Variants in CNGB3 observed in about 807,000 individuals in gnomAD.
The protein encoded by CNGB3 is cyclic nucleotide gated channel subunit beta 3, also known as cyclic nucleotide-gated channel beta-3.
A neutral mutation model predicts 92.8 loss-of-function variants in CNGB3; 86 were observed. The observed-to-expected ratio is 0.93, with a 90% CI of 0.78 to 1.11. The LOEUF is 1.11. Ranked by LOEUF, CNGB3 falls within the 50% of genes least tolerant of loss-of-function variation. The pLI, the probability that CNGB3 is intolerant of heterozygous loss-of-function variation, is 0.00. For synonymous variants in CNGB3, 333 were observed against 332.7 expected (o/e 1.00, Z -0.01); for missense variants, 1,026 against 956.8 (o/e 1.07, Z -0.95).
At chr8:86,642,189 G>A (rs1823201803) in intron 10 of CNGB3, among the ~76,000 whole-genome samples, 1 of 151,398 alleles carries the variant, frequency 6.6e-6, no homozygotes, top group Non-Finnish European at 1.5e-5. Flanking sequence ...TCACTTTCTG[G>A]AAGGCATTCT....
chr8:86,699,296 A>C (rs898945673), intron 3 of CNGB3, among the ~76,000 whole-genome samples: 11 of 152,018 alleles, frequency 7.2e-5, no homozygotes, highest in African/African-American at 2.7e-4. Context: ...AATAATTTAG[A>C]TATAAATTAA....
At chr8:86,690,563 T>G (rs1368306128) in intron 3 of CNGB3, among the ~76,000 whole-genome samples, 1 of 152,256 alleles carries the variant, frequency 6.6e-6, no homozygotes, top group Non-Finnish European at 1.5e-5. Context: ...TTTAGTTTAC[T>G]TAGATCCCAT....
chr8:86,580,236 C>T (rs918208199), intron 15 of CNGB3, among the ~76,000 whole-genome samples: 1 of 152,098 alleles, frequency 6.6e-6, no homozygotes, highest in Non-Finnish European at 1.5e-5. Flanking sequence ...AGTCACCTCC[C>T]ATCAGGTCCT....
At chr8:86,611,363 C>G (rs1360886593) in intron 14 of CNGB3, among the ~76,000 whole-genome samples, 3 of 152,102 alleles carry the variant, frequency 2.0e-5, no homozygotes, top group Non-Finnish European at 2.9e-5. Context: ...GTTTCTCAGA[C>G]TACCCACACT....
chr8:86,610,578 T>A (rs1409474094), intron 14 of CNGB3, among the ~76,000 whole-genome samples: 1 of 152,174 alleles, frequency 6.6e-6, no homozygotes, highest in Non-Finnish European at 1.5e-5. Flanking sequence ...CAGCGTGTGC[T>A]TGCTTTGACC....
intron 10 of CNGB3, among the ~76,000 whole-genome samples, chr8:86,636,572 C>CAAAAAAAAAA (rs57907634): frequency 3.2e-4 from 13 of 40,098 alleles, no homozygotes; most frequent in Non-Finnish European, 4.6e-4. Flanking sequence ...GACCCTGTCT[C>CAAAAAAAAAA]AAAAAAAAAA....
intron 14 of CNGB3, among the ~76,000 whole-genome samples, chr8:86,607,999 G>C (rs1255866272): frequency 2.0e-5 from 3 of 152,144 alleles, no homozygotes; most frequent in African/African-American, 7.2e-5. Context: ...AATGTGACTT[G>C]TCATTCTAGC....
chr8:86,741,901 AG>A, intron 1 of CNGB3, among the ~76,000 whole-genome samples: 1 of 152,198 alleles, frequency 6.6e-6, no homozygotes, highest in South Asian at 2.1e-4. Context: ...AGTATCTTAA[AG>A]GGTTGACTCA....
chr8:86,694,340 C>T (rs1385655202), intron 3 of CNGB3, among the ~76,000 whole-genome samples: 1 of 145,124 alleles, frequency 6.9e-6, no homozygotes, highest in Admixed American at 6.8e-5. Context: ...GGGCGGCTGG[C>T]CGGGCGGGGG....
chr8:86,600,776 ATTTTTTTTTTTTTTTTTT>A (rs533111246), intron 15 of CNGB3, among the ~76,000 whole-genome samples: 8 of 38,404 alleles, frequency 2.1e-4, no homozygotes, highest in Admixed American at 4.8e-4. Context: ...CGCTCGGCTA[ATTTTTTTTTTTTTTTTTT>A]TTTTTTTTTT....
At chr8:86,657,220 AG>A (rs1191560938) in intron 6 of CNGB3, among the ~76,000 whole-genome samples, 2 of 152,162 alleles carry the variant, frequency 1.3e-5, no homozygotes, top group African/African-American at 4.8e-5. Flanking sequence ...GCCCTGGCCA[AG>A]GTGGCAAAGG....
At chr8:86,590,208 C>G (rs1174743825) in intron 15 of CNGB3, among the ~76,000 whole-genome samples, 2 of 152,008 alleles carry the variant, frequency 1.3e-5, no homozygotes, top group African/African-American at 4.8e-5. Flanking sequence ...CTTCCTCCAT[C>G]CCTTTATTTT....
At chr8:86,635,863 T>TAC (rs1370641229) in intron 10 of CNGB3, among the ~76,000 whole-genome samples, 3 of 54,942 alleles carry the variant, frequency 5.5e-5, no homozygotes, top group African/African-American at 8.4e-5. Flanking sequence ...TATATATATA[T>TAC]ACACATACAC....
At chr8:86,695,443 ATTCTATTGTTGAAACCTTCCAG>A (rs1384668653) in intron 3 of CNGB3, among the ~76,000 whole-genome samples, 64 of 152,130 alleles carry the variant, frequency 4.2e-4, no homozygotes, top group Non-Finnish European at 8.8e-4. Flanking sequence ...TACTTGTTCA[ATTCTATTGTTGAAACCTTCCAG>A]TGTATTTTGC....
chr8:86,660,021 C>T (rs530691823), intron 6 of CNGB3: 2 of 344,602 alleles, frequency 5.8e-6, no homozygotes, highest in East Asian at 1.5e-4. Context: ...TTCTGAGGTG[C>T]CGCCATGCTA....
intron 3 of CNGB3, among the ~76,000 whole-genome samples, chr8:86,716,650 T>A (rs1341864098): frequency 1.3e-5 from 2 of 152,144 alleles, no homozygotes; most frequent in African/African-American, 4.8e-5. Flanking sequence ...AGAGACAGTC[T>A]TTTCCAGACA....
chr8:86,661,926 C>G, intron 6 of CNGB3: 1 of 730,254 alleles, frequency 1.4e-6, no homozygotes, highest in Non-Finnish European at 2.5e-6. Context: ...TTCTTGGAAT[C>G]TCTAGGCACG....
chr8:86,643,193 CT>C (rs138708468), intron 10 of CNGB3, among the ~76,000 whole-genome samples: 1,699 of 151,366 alleles, frequency 0.011, 32 homozygotes, highest in African/African-American at 0.039. Context: ...AATGTATTGA[CT>C]TACTAAAGAG....
chr8:86,703,497 AATT>A (rs778102391), intron 3 of CNGB3, among the ~76,000 whole-genome samples: 3 of 152,212 alleles, frequency 2.0e-5, no homozygotes, highest in Non-Finnish European at 4.4e-5. Flanking sequence ...TCAGCTTTGC[AATT>A]ATTGTGTGTG....
Sources: gnomAD v4.1 joint callset for allele counts (sites outside exome capture counted in the v4.1 genomes callset) on GRCh38, gnomAD v4.1.1 for gene constraint, MANE v1.5 for transcripts, NCBI Gene and HGNC (gene_info 2026-07-23, HGNC 2026-07-21) for gene names.